Variants in ARHGAP28 observed in about 807,000 individuals in gnomAD.
ARHGAP28 encodes rho GTPase-activating protein 28.
In ARHGAP28, 56 loss-of-function variants were observed where a neutral mutation model predicts 90.7. The observed-to-expected ratio is 0.62, with a 90% confidence interval of 0.50 to 0.77. The LOEUF (loss-of-function observed/expected upper bound fraction) is 0.77, where lower values mean the gene tolerates loss of function less well. Among genes scored for constraint, ARHGAP28 ranks in the 30% least tolerant of loss-of-function variants. The pLI is 0.00. For synonymous variants in ARHGAP28, 308 were observed against 323.3 expected (o/e 0.95, Z 0.51); for missense variants, 869 against 900.9 (o/e 0.96, Z 0.45).
At chr18:6,745,581 G>A (rs557062223) in intron 1 of ARHGAP28, among the ~76,000 whole-genome samples, 6 of 152,214 alleles carry the variant, frequency 3.9e-5, no homozygotes, top group African/African-American at 1.2e-4. Context: ...TCCAAAACAA[G>A]ATATATAACA....
intron 4 of ARHGAP28, among the ~76,000 whole-genome samples, chr18:6,858,610 C>T (rs1313687249): frequency 1.3e-5 from 2 of 151,352 alleles, no homozygotes; most frequent in Non-Finnish European, 2.9e-5. Flanking sequence ...ATGGCACAAT[C>T]TTGGCTCACT....
At chr18:6,756,906 T>A (rs1331120178) in intron 1 of ARHGAP28, among the ~76,000 whole-genome samples, 2 of 152,124 alleles carry the variant, frequency 1.3e-5, no homozygotes, top group Non-Finnish European at 2.9e-5. Flanking sequence ...TCTGCCTGCT[T>A]TATGCTAGCT....
chr18:6,872,704 T>C (rs2143543203), intron 7 of ARHGAP28, among the ~76,000 whole-genome samples: 1 of 152,314 alleles, frequency 6.6e-6, no homozygotes, highest in South Asian at 2.1e-4. Context: ...ATTTCTGGAT[T>C]GTTGAAGGAT....
At chr18:6,744,112 A>G (rs1029575443) in intron 1 of ARHGAP28, among the ~76,000 whole-genome samples, 3 of 152,186 alleles carry the variant, frequency 2.0e-5, no homozygotes, top group African/African-American at 7.2e-5. Context: ...TTGGTGAGAG[A>G]AGGGTTAACA....
At position 6,890,432 on chromosome 18, in the gene ARHGAP28, T is replaced by C; in HGVS notation, c.1737T>C (p.Val579=). 1 of 1,599,182 alleles carries C rather than the reference T, an allele frequency of 6.3e-7. No individual in the cohort carries two copies. The highest frequency in any genetic ancestry group is 8.6e-7 in the Non-Finnish European group (1 of 1,168,384). ...TCCAAGCTATTTTTCTTCTCCAGGTTCCATCTTTCTTAATCACTCAAGTAA... is the reference window on the plus strand; with the variant it reads ...TCCAAGCTATTTTTCTTCTCCAGGTCCCATCTTTCTTAATCACTCAAGTAA... ...MLKYQKILWK[V]PSFLITQVRR... Residue 579 remains valine, a splice_region_variant and synonymous_variant, in exon 14 of 18, where the codon GTT becomes GTC. Transcript: ENST00000383472.
intron 1 of ARHGAP28, among the ~76,000 whole-genome samples, chr18:6,758,392 C>T (rs1443653072): frequency 3.3e-5 from 5 of 151,844 alleles, no homozygotes; most frequent in African/African-American, 4.8e-5. Context: ...GGCATGATCT[C>T]GGCTCACTGA....
At chr18:6,733,395 G>A (rs2055899542) in intron 1 of ARHGAP28, among the ~76,000 whole-genome samples, 1 of 151,506 alleles carries the variant, frequency 6.6e-6, no homozygotes. Context: ...TGAGCTTTTG[G>A]GATTCCTTCC....
At position 6,777,762 on chromosome 18, in the gene ARHGAP28, A is replaced by C. The variant is rs565576525; in HGVS notation, c.123-47000A>C. ...AATGAATGAATGAGTGAATGAATGA[A>C]TGAATGAATAAAACAGTTGTGAACC... On this transcript the variant is annotated intron_variant, in intron 1 of 17. Transcript: ENST00000383472. 2.0e-5 allele frequency among the ~76,000 whole-genome samples: 3 copies of C among 152,122 alleles called. No homozygotes were observed. The East Asian group carries it at 5.9e-4, about 30-fold the overall frequency.
chr18:6,901,399 TC>T (rs1466252069), intron 16 of ARHGAP28, among the ~76,000 whole-genome samples: 4 of 151,890 alleles, frequency 2.6e-5, no homozygotes, highest in Admixed American at 2.0e-4. Flanking sequence ...GTGACTTCCT[TC>T]CAAAAAATAG....
chr18:6,884,206 C>G (rs1043824206), intron 11 of ARHGAP28, among the ~76,000 whole-genome samples: 3 of 152,014 alleles, frequency 2.0e-5, no homozygotes, highest in Non-Finnish European at 4.4e-5. Context: ...AACCCCGTCT[C>G]TACTAAAAAT....
chr18:6,856,149 T>G (rs2056951749), intron 4 of ARHGAP28, among the ~76,000 whole-genome samples: 1 of 152,228 alleles, frequency 6.6e-6, no homozygotes, highest in African/African-American at 2.4e-5. Context: ...AAGGATTCTG[T>G]GAAATTAGCT....
In ARHGAP28 at chr18:6,912,265, T is replaced by G; in HGVS notation, c.*111T>G. On this transcript the variant is annotated 3_prime_UTR_variant, in exon 18 of 18. Transcript: ENST00000383472. ...GTATTTGTTCCTACAGCATTCTCAG[T>G]ATTTCTGGCCCTCAGCAGTGGGCAT... is the stretch of plus-strand genomic sequence containing the variant. 1 of 571,776 alleles carries G rather than the reference T, an allele frequency of 1.7e-6. No individual in the cohort carries two copies. The highest frequency in any genetic ancestry group is 3.1e-5 in the East Asian group (1 of 32,216). The allele number at this position is 571,776 out of a possible 1,614,324, so 35.4% of individuals were successfully genotyped here.
intron 4 of ARHGAP28, among the ~76,000 whole-genome samples, chr18:6,858,909 G>A (rs1366092166): frequency 6.6e-6 from 1 of 151,438 alleles, no homozygotes; most frequent in Non-Finnish European, 1.5e-5. Context: ...GTAAAATAAT[G>A]TATAGTATCT....
chr18:6,838,070 C>T (rs1360669118), intron 3 of ARHGAP28, among the ~76,000 whole-genome samples: 9 of 152,178 alleles, frequency 5.9e-5, no homozygotes, highest in Admixed American at 5.9e-4. Context: ...TTATAGCTTA[C>T]TTGTTCATTT....
intron 1 of ARHGAP28, among the ~76,000 whole-genome samples, chr18:6,751,130 G>A (rs1038038533): frequency 1.3e-5 from 2 of 152,048 alleles, no homozygotes; most frequent in Admixed American, 1.3e-4. Flanking sequence ...TAGAGAGAGG[G>A]AGGCAATGTA....
At chr18:6,824,996 G>C (rs2056652213) in intron 2 of ARHGAP28, 32 bp downstream of exon 2, 1 of 1,497,796 alleles carries the variant, frequency 6.7e-7, no homozygotes, top group Non-Finnish European at 8.9e-7. Flanking sequence ...CCTATGTGCT[G>C]ACTGGCTTTC....
intron 4 of ARHGAP28, among the ~76,000 whole-genome samples, chr18:6,852,250 A>G (rs934009295): frequency 3.3e-5 from 5 of 152,230 alleles, no homozygotes; most frequent in Non-Finnish European, 5.9e-5. Context: ...TTACAGTCCA[A>G]TCTACAGTAA....
intron 16 of ARHGAP28, among the ~76,000 whole-genome samples, chr18:6,906,419 C>T (rs1260415378): frequency 6.6e-6 from 1 of 152,184 alleles, no homozygotes; most frequent in Non-Finnish European, 1.5e-5. Flanking sequence ...AGACTCTATA[C>T]CCATTCTCCC....
chr18:6,760,615 T>C (rs1397913989), intron 1 of ARHGAP28, among the ~76,000 whole-genome samples: 3 of 152,238 alleles, frequency 2.0e-5, no homozygotes, highest in East Asian at 3.8e-4. Flanking sequence ...AGGTAAAAGA[T>C]TTCTCACTAA....
Sources: gnomAD v4.1 joint callset for allele counts (sites outside exome capture counted in the v4.1 genomes callset) on GRCh38, gnomAD v4.1.1 for gene constraint, MANE v1.5 for transcripts, NCBI Gene and HGNC (gene_info 2026-07-23, HGNC 2026-07-21) for gene names.